The following PLD4 variants were observed in gnomAD, a reference collection of about 807,000 sequenced individuals.
PLD4 encodes the protein 5'-3' exonuclease PLD4.
PLD4 carries 54 observed loss-of-function variants against 52.3 expected under a neutral mutation model. The observed-to-expected ratio is 1.03, with a 90% CI of 0.83 to 1.30. The LOEUF is 1.30. Among genes scored for constraint, PLD4 ranks in the 50% most tolerant of loss-of-function variants. The probability of loss-of-function intolerance (pLI) is 0.00; values close to 1 mark genes in which losing one functional copy is unlikely to be tolerated. For missense variants in PLD4, 731 were observed against 671.1 expected (o/e 1.09, Z -0.99); for synonymous variants, 264 against 286.5 (o/e 0.92, Z 0.79).
intron 6 of PLD4, 24 bp downstream of exon 6, chr14:104,930,129 G>A (rs771948482): frequency 6.2e-7 from 1 of 1,612,032 alleles, no homozygotes; most frequent in Non-Finnish European, 8.5e-7. Context: ...CCCTAACACA[G>A]GAGGCCTGCC....
rs746101864 is a variant in PLD4 at position 104,930,007 on chromosome 14, C to T, written c.619C>T (p.Arg207Trp). 84 of 1,613,434 alleles carry T rather than the reference C, an allele frequency of 5.2e-5. No individual in the cohort carries two copies. Among genetic ancestry groups the T allele is most frequent in the Admixed American group, 1.0e-4 (6 of 60,008 alleles). The change falls in exon 6 of 11, where the codon CGG (arginine) becomes TGG (tryptophan). Residue 207 changes from arginine (R) to tryptophan (W), a missense_variant. Arg to Trp is a moderately radical substitution (Grantham distance 101). Coordinates refer to ENST00000392593, the MANE Select transcript of PLD4 (RefSeq NM_138790.5). ...CCATGTACGACAGGTGCCCATGGGG[C>T]GGCTCACCAGGGGTGTTTTGCACTC... ...GAHVRQVPMGRLTRGVLHSKF... is the reference protein window; with the variant it reads ...GAHVRQVPMGWLTRGVLHSKF...
chr14:104,927,259 T>C (rs1338288895), intron 2 of PLD4, 29 bp downstream of exon 2: 11 of 1,502,132 alleles, frequency 7.3e-6, no homozygotes, highest in Non-Finnish European at 9.8e-6. Flanking sequence ...AGGGGGGAGG[T>C]GGCTGGGATC....
downstream of PLD4, chr14:104,933,360 C>T (rs1897723472): frequency 6.0e-6 from 1 of 166,764 alleles, no homozygotes. Flanking sequence ...CAGCTAGCCC[C>T]GGGTCCGCGA....
At chr14:104,933,302 G>A, downstream of PLD4, 1 of 234,518 alleles carries the variant, frequency 4.3e-6, no homozygotes, top group Non-Finnish European at 8.3e-6. Flanking sequence ...CCGCCTCTAT[G>A]CGCCCGCCCC....
chr14:104,933,647 G>T (rs1897735970), downstream of PLD4: 1 of 88,294 alleles, frequency 1.1e-5, no homozygotes, highest in Admixed American at 1.1e-4. Flanking sequence ...CCGGGAGGGC[G>T]GGAGGGGACC....
intron 6 of PLD4, among the ~76,000 whole-genome samples, chr14:104,930,406 G>C (rs78260032): frequency 1.3e-5 from 2 of 152,224 alleles, no homozygotes; most frequent in African/African-American, 4.8e-5. Context: ...TGAAAAACGT[G>C]TCAGAATGGT....
intron 1 of PLD4, 117 bp from the exon 2 acceptor site, chr14:104,927,024 T>C: frequency 1.1e-6 from 1 of 898,770 alleles, no homozygotes; most frequent in South Asian, 3.2e-5. Flanking sequence ...TGGGGGGCTT[T>C]TGGGGGCTTA....
In PLD4 at chr14:104,932,001, C is replaced by G; in HGVS notation, c.1059-11C>G. ...GCTTGTAAGCAGAGCCCCGTCCCTC[C>G]CCACCCCAAGGTACTGGCCGGTGCT... On this transcript the variant is annotated splice_polypyrimidine_tract_variant and intron_variant, in intron 8 of 10. Transcript: ENST00000392593. The surrounding 1 kb of genome is among the most constrained non-coding windows in gnomAD (Gnocchi z 6.5). 1.3e-6 allele frequency: 2 copies of G among 1,568,000 alleles called. No individual in the cohort carries two copies. Among genetic ancestry groups the G allele is most frequent in the Non-Finnish European group, 1.7e-6 (2 of 1,158,500 alleles).
downstream of PLD4, chr14:104,937,023 G>A (rs192664920): frequency 4.1e-4 from 63 of 152,332 alleles, 2 homozygotes; most frequent in Admixed American, 2.8e-3. Flanking sequence ...GGGAGGGAGG[G>A]TTGTACGTCT....
chr14:104,927,714 C>T lies in PLD4; in HGVS notation c.132C>T (p.Ser44=), dbSNP rs531324518. The change falls in exon 3 of 11, where the codon TCC becomes TCT. Residue 44 remains serine (S), a synonymous_variant. Coordinates refer to ENST00000392593, the MANE Select transcript of PLD4 (RefSeq NM_138790.5). ...CGCTGGCTGTGCTGTGGCTGGGCTC[C>T]GTGGCTCTTATCTGCCTCCTGTGGC... The part of the protein sequence containing the change: ...LGALAVLWLG[S]VALICLLWQV... 17 of 1,597,508 alleles carry T rather than the reference C, an allele frequency of 1.1e-5. No homozygotes were observed. In the East Asian group the frequency reaches 1.6e-4, roughly 15 times the overall value.
intron 6 of PLD4, 54 bp from the exon 7 acceptor site, chr14:104,930,688 G>A (rs1028948700): frequency 2.5e-6 from 4 of 1,580,352 alleles, no homozygotes; most frequent in Non-Finnish European, 3.5e-6. Context: ...GGAGTGGGGT[G>A]GAGGCCCCAC....
rs201292814 is a variant in PLD4 at position 104,927,155 on chromosome 14, T to C, written c.15T>C (p.Leu5=). 1.7e-5 allele frequency: 27 copies of C among 1,558,656 alleles called. No individual in the cohort carries two copies. Among genetic ancestry groups the C allele is most frequent in the Middle Eastern group, 1.7e-4 (1 of 5,884 alleles). The change falls in exon 2 of 11, where the codon CTT becomes CTC. Residue 5 remains leucine (L), a synonymous_variant. Coordinates refer to ENST00000392593, the MANE Select transcript of PLD4 (RefSeq NM_138790.5). ...GCCCTGTGCAGATGCTGAAGCCTCT[T>C]TGGAAAGCAGCAGTGGCCCCCACAT... MLKP[L]WKAAVAPTWP...
intron 7 of PLD4, among the ~76,000 whole-genome samples, chr14:104,931,513 C>G (rs2819417): frequency 0.044 from 6,638 of 152,182 alleles, 176 homozygotes; most frequent in Middle Eastern, 0.088. Context: ...GTTTCTGGGA[C>G]GTCAATCCAG....
Position 104,932,987 on chromosome 14 carries a change from C to T in PLD4, c.*23C>T. 1.3e-6 allele frequency: 2 copies of T among 1,532,006 alleles called. No individual in the cohort carries two copies. Among genetic ancestry groups the T allele is most frequent in the South Asian group, 1.2e-5 (1 of 83,386 alleles). The allele number at this position is 1,532,006 out of a possible 1,614,324, so 94.9% of individuals were successfully genotyped here. A position where few individuals can be genotyped will look rare whatever the true frequency, so the allele number is the denominator to read the frequency against. Reference sequence around the variant, plus strand: ...TGAGGGGGGCCTCTTTTTCTCTCGGCGACCCCGCCCCGCACGCGCCCTCCC... The same window carrying T: ...TGAGGGGGGCCTCTTTTTCTCTCGGTGACCCCGCCCCGCACGCGCCCTCCC... On this transcript the variant is annotated 3_prime_UTR_variant, in exon 11 of 11. Transcript: ENST00000392593. This position sits in a 1 kb window ranked among gnomAD's most constrained non-coding sequence, Gnocchi z 6.5.
intron 1 of PLD4, among the ~76,000 whole-genome samples, chr14:104,926,807 C>T (rs985408897): frequency 6.6e-6 from 1 of 152,228 alleles, no homozygotes; most frequent in African/African-American, 2.4e-5. Flanking sequence ...CACAGAAAGC[C>T]GGGGCATGTG....
At chr14:104,927,611 T>C in intron 2 of PLD4, 62 bp from the exon 3 acceptor site, 1 of 1,470,062 alleles carries the variant, frequency 6.8e-7, no homozygotes, top group South Asian at 1.3e-5. Context: ...GGGGCCATCG[T>C]GGCCCAGCCA....
Position 104,933,048 on chromosome 14 carries a change from C to T in PLD4, c.*84C>T. 1.4e-6 allele frequency: 2 copies of T among 1,418,224 alleles called. No individual in the cohort carries two copies. Among genetic ancestry groups the T allele is most frequent in the Non-Finnish European group, 1.9e-6 (2 of 1,075,402 alleles). 87.9% of individuals were successfully genotyped at this position (1,418,224 alleles called of 1,614,324 possible). On this transcript the variant is annotated 3_prime_UTR_variant, in exon 11 of 11. Coordinates refer to ENST00000392593, the MANE Select transcript of PLD4 (RefSeq NM_138790.5). ...GGCCTGGGCTTCAGCCGCTTCCTCCCGCAAGCAGCCCGGGTCCGCACTGCG... is the reference window on the plus strand; with the variant it reads ...GGCCTGGGCTTCAGCCGCTTCCTCCTGCAAGCAGCCCGGGTCCGCACTGCG...
Position 104,927,818 on chromosome 14 carries a change from C to T in PLD4, c.236C>T (p.Ala79Val), listed in dbSNP as rs371043064. 13 of 1,591,604 alleles carry T rather than the reference C, an allele frequency of 8.2e-6. No individual in the cohort carries two copies. Among genetic ancestry groups the T allele is most frequent in the African/African-American group, 1.3e-5 (1 of 74,744 alleles). The change falls in exon 3 of 11, where the codon GCT (alanine) becomes GTT (valine). Residue 79 changes from alanine to valine, a missense_variant. Transcript: ENST00000392593. Reference sequence around the variant, plus strand: ...TCCTGGGAGCATGGCTCCAGCCCAGCTTGGGAGCCCCTGGAAGCAGAGGCC... The same window carrying T: ...TCCTGGGAGCATGGCTCCAGCCCAGTTTGGGAGCCCCTGGAAGCAGAGGCC... The part of the protein sequence containing the change: ...PRSWEHGSSP[A>V]WEPLEAEARQ...
At chr14:104,926,830 C>T (rs909386290) in intron 1 of PLD4, among the ~76,000 whole-genome samples, 14 of 152,358 alleles carry the variant, frequency 9.2e-5, no homozygotes, top group African/African-American at 1.2e-4. Flanking sequence ...TAGGCACAGA[C>T]GCCCGCCCGC....
Sources: gnomAD v4.1 joint callset for allele counts (sites outside exome capture counted in the v4.1 genomes callset) on GRCh38, gnomAD v4.1.1 for gene constraint, Gnocchi (gnomAD v3.1) non-coding constraint, MANE v1.5 for transcripts, NCBI Gene and HGNC (gene_info 2026-07-23, HGNC 2026-07-21) for gene names.